DPF3: variants seen among roughly 807,000 people sequenced by gnomAD.
DPF3 encodes the protein zinc finger protein DPF3.
A neutral mutation model predicts 56.8 loss-of-function variants in DPF3; 18 were observed. That is an observed-to-expected ratio of 0.32 (90% CI 0.22 to 0.47). DPF3 has a LOEUF of 0.47. DPF3 is among the 20% of genes least tolerant of loss of function. DPF3 has a pLI of 1.00. For synonymous variants in DPF3, 188 were observed against 180.2 expected, an observed-to-expected ratio of 1.04 and a Z score of -0.35; for missense variants, 403 against 488.8, an observed-to-expected ratio of 0.82 and a Z score of 1.65.
chr14:72,765,313 G>A (rs998972542), intron 2 of DPF3, among the ~76,000 whole-genome samples: 1 of 152,088 alleles, frequency 6.6e-6, no homozygotes, highest in Non-Finnish European at 1.5e-5. Context: ...AATGTAAAAT[G>A]GTACAACCAC....
At chr14:72,628,221 C>CTCATTAAA (rs1024377694) in intron 9 of DPF3, among the ~76,000 whole-genome samples, 2 of 152,060 alleles carry the variant, frequency 1.3e-5, no homozygotes, top group Non-Finnish European at 2.9e-5. Flanking sequence ...TAGTGTTTTC[C>CTCATTAAA]TCATTAAATA....
At chr14:72,721,518 G>A (rs560641327) in intron 5 of DPF3, among the ~76,000 whole-genome samples, 1 of 152,222 alleles carries the variant, frequency 6.6e-6, no homozygotes, top group East Asian at 1.9e-4. Context: ...CTCCGTGAAT[G>A]GGTCTAGGCC....
intron 1 of DPF3, among the ~76,000 whole-genome samples, chr14:72,889,769 G>C (rs1176776861): frequency 6.6e-6 from 1 of 152,198 alleles, no homozygotes; most frequent in African/African-American, 2.4e-5. Flanking sequence ...GTTTGACTTG[G>C]CTAAGTAAGT....
chr14:72,685,116 G>C (rs918724708), intron 7 of DPF3, among the ~76,000 whole-genome samples: 1 of 152,162 alleles, frequency 6.6e-6, no homozygotes, highest in Non-Finnish European at 1.5e-5. Context: ...ATGGAATTTT[G>C]TTAAGACAGT....
At chr14:72,853,333 C>A (rs1885058360) in intron 1 of DPF3, 2 of 151,954 alleles carry the variant, frequency 1.3e-5, no homozygotes, top group African/African-American at 2.4e-5. Context: ...AGACTAGCCA[C>A]CATGTTGCTT....
intron 6 of DPF3, among the ~76,000 whole-genome samples, chr14:72,711,454 G>A (rs138107629): frequency 1.3e-5 from 2 of 152,296 alleles, no homozygotes; most frequent in East Asian, 1.9e-4. Flanking sequence ...CATCGACACC[G>A]AGGCTGGGAC....
chr14:72,844,682 G>C (rs754714107), intron 1 of DPF3, among the ~76,000 whole-genome samples: 2 of 152,154 alleles, frequency 1.3e-5, no homozygotes, highest in Non-Finnish European at 2.9e-5. Flanking sequence ...GATCACAAGA[G>C]GATGATAGGC....
intron 1 of DPF3, among the ~76,000 whole-genome samples, chr14:72,811,603 GA>G (rs1459230285): frequency 1.3e-5 from 2 of 152,044 alleles, no homozygotes; most frequent in African/African-American, 4.8e-5. Flanking sequence ...TCACCACACC[GA>G]TCACCAATGA....
chr14:72,747,861 T>C (rs1288058946), intron 3 of DPF3, among the ~76,000 whole-genome samples: 2 of 152,172 alleles, frequency 1.3e-5, no homozygotes, highest in East Asian at 1.9e-4. Context: ...CTGCCATCCA[T>C]GTAAGATGTG....
At position 72,872,129 on chromosome 14, in the gene DPF3, G is replaced by T. The variant is rs1001571583; in HGVS notation, c.32+21928C>A. On this transcript the variant is annotated intron_variant, in intron 1 of 10. Coordinates refer to ENST00000556509, the MANE Select transcript of DPF3 (RefSeq NM_001280542.3). ...TCTGAAGTCACAGCCCGAGCTATATGTTGGCCCCTTTCAGCCACAGATGGC... is the reference window on the plus strand; with the variant it reads ...TCTGAAGTCACAGCCCGAGCTATATTTTGGCCCCTTTCAGCCACAGATGGC... Among the ~76,000 whole-genome samples, 47 of 152,180 alleles carry T rather than the reference G, an allele frequency of 3.1e-4. 1 individual carries two copies. The highest frequency in any genetic ancestry group is 1.6e-4 in the Non-Finnish European group (11 of 68,038).
At chr14:72,747,267 G>A (rs182323156) in intron 3 of DPF3, among the ~76,000 whole-genome samples, 87 of 152,250 alleles carry the variant, frequency 5.7e-4, no homozygotes, top group African/African-American at 1.6e-3. Flanking sequence ...CATGCTCTTC[G>A]GACTCTGGTT....
At chr14:72,767,500 T>C (rs896525120) in intron 2 of DPF3, among the ~76,000 whole-genome samples, 2 of 151,558 alleles carry the variant, frequency 1.3e-5, no homozygotes, top group Non-Finnish European at 1.5e-5. Context: ...ATAAAAAAGC[T>C]CTCAATGGAT....
chr14:72,744,427 C>T (rs1890247570), intron 3 of DPF3, among the ~76,000 whole-genome samples: 2 of 151,994 alleles, frequency 1.3e-5, no homozygotes, highest in Non-Finnish European at 1.5e-5. Context: ...GTGCCCACCA[C>T]CACACCTGGC....
rs2526935 is a variant in DPF3 at position 72,609,887 on chromosome 14, A to C, written c.*9410T>G. 0.48 allele frequency among the ~76,000 whole-genome samples: 73,030 copies of C among 152,108 alleles called. 18,181 individuals are homozygous for C. The highest frequency in any genetic ancestry group is 0.83 in the East Asian group (4,301 of 5,162). On this transcript the variant is annotated 3_prime_UTR_variant, in exon 11 of 11. Transcript: ENST00000556509. The stretch of plus-strand genomic sequence containing the variant: ...AGACTCAGTCCTGGTCTGAAGTACC[A>C]AAGCAGCCCAAGGCAAAACCTCATC...
rs139421557 is a variant in DPF3 at position 72,811,206 on chromosome 14, A to G, written c.33-39313T>C. Among the ~76,000 whole-genome samples, 1,268 of 152,366 alleles carry G rather than the reference A, an allele frequency of 8.3e-3. 22 individuals are homozygous for G. Among genetic ancestry groups the G allele is most frequent in the African/African-American group, 0.029 (1,191 of 41,586 alleles). Reference sequence around the variant, plus strand: ...AGCCATTCGTGAGAGATCCACCCTCATGGTCTAATAATCTCCCACCAGGCC... The same window carrying G: ...AGCCATTCGTGAGAGATCCACCCTCGTGGTCTAATAATCTCCCACCAGGCC... On this transcript the variant is annotated intron_variant, in intron 1 of 10. Coordinates refer to ENST00000556509, the MANE Select transcript of DPF3 (RefSeq NM_001280542.3).
chr14:72,707,662 G>A (rs1888461690), intron 6 of DPF3, among the ~76,000 whole-genome samples: 1 of 148,824 alleles, frequency 6.7e-6, no homozygotes, highest in Admixed American at 6.7e-5. Context: ...TCATTTCTTA[G>A]TCGTCTTCTG....
chr14:72,819,140 C>T (rs1191578397), intron 1 of DPF3, among the ~76,000 whole-genome samples: 1 of 152,304 alleles, frequency 6.6e-6, no homozygotes, highest in Non-Finnish European at 1.5e-5. Context: ...ACTAAAACTA[C>T]AGTAAGCTAC....
intron 1 of DPF3, among the ~76,000 whole-genome samples, chr14:72,845,569 T>C (rs1567253824): frequency 1.3e-5 from 2 of 152,178 alleles, no homozygotes; most frequent in African/African-American, 4.8e-5. Context: ...TCTGTCCCAT[T>C]TCCTAGGAGT....
intron 8 of DPF3, among the ~76,000 whole-genome samples, chr14:72,669,366 G>A (rs1274843720): frequency 6.6e-6 from 1 of 152,172 alleles, no homozygotes; most frequent in African/African-American, 2.4e-5. Context: ...TTCCAGAACT[G>A]TGCACTCCTG....
Sources: allele counts gnomAD v4.1 joint callset (sites outside exome capture counted in the v4.1 genomes callset), GRCh38; gene constraint gnomAD v4.1.1; transcripts MANE v1.5; gene names NCBI Gene and HGNC (gene_info 2026-07-23, HGNC 2026-07-21).